Variants in MYLK observed in about 807,000 individuals in gnomAD.
The protein encoded by MYLK is myosin light chain kinase, smooth muscle.
In MYLK, 106 loss-of-function variants were observed where a neutral mutation model predicts 203.4. The observed-to-expected ratio is 0.52, with a 90% confidence interval of 0.45 to 0.61. The LOEUF (loss-of-function observed/expected upper bound fraction) is 0.61, where lower values mean the gene tolerates loss of function less well. MYLK is among the 20% of genes least tolerant of loss of function. MYLK has a pLI of 0.00. For missense variants in MYLK, 2,072 were observed against 2,442.3 expected (o/e 0.85, Z 3.20); for synonymous variants, 867 against 959.5 (o/e 0.90, Z 1.78).
Position 123,647,375 on chromosome 3 carries a change from A to G in MYLK, c.4468T>C (p.Trp1490Arg). ...TATGCCTTGAAGAACTTCCCTGCCC[A>G]GACTTTTCGAGTTTTCTTTTCTACA... ...RLVEKKTRKVWAGKFFKAYSA... is the reference protein window; with the variant it reads ...RLVEKKTRKVRAGKFFKAYSA... The change falls in exon 27 of 34, where the codon TGG (tryptophan) becomes CGG (arginine). Residue 1490 changes from tryptophan (W) to arginine (R), a missense_variant. This residue lies in a region of MYLK where 524 missense variants were observed against 782.4 expected (regional missense o/e 0.67). Coordinates refer to ENST00000360304, the MANE Select transcript of MYLK (RefSeq NM_053025.4). 1.9e-6 allele frequency: 3 copies of G among 1,614,250 alleles called. No homozygotes were observed. Among genetic ancestry groups the G allele is most frequent in the Non-Finnish European group, 2.5e-6 (3 of 1,180,034 alleles).
intron 3 of MYLK, among the ~76,000 whole-genome samples, chr3:123,825,227 A>G (rs1313131338): frequency 6.6e-6 from 1 of 152,204 alleles, no homozygotes; most frequent in East Asian, 1.9e-4. Context: ...CTATGGAGGA[A>G]ACTACAGGTT....
intron 2 of MYLK, among the ~76,000 whole-genome samples, chr3:123,850,660 G>A (rs2030677636): frequency 6.6e-6 from 1 of 152,140 alleles, no homozygotes; most frequent in Non-Finnish European, 1.5e-5. Context: ...TGTCAGATGA[G>A]TAAATTGCAA....
Position 123,810,414 on chromosome 3 carries a change from G to C in MYLK, c.-3-16570C>G, listed in dbSNP as rs140913992. ...GGTGAGCAGGGTGGCCCTGGGTCTG[G>C]AGCTGGCGTCTGTTGAGCCTAGGCC... On this transcript the variant is annotated intron_variant, in intron 3 of 33. Transcript: ENST00000360304. 6.5e-3 allele frequency among the ~76,000 whole-genome samples: 996 copies of C among 152,300 alleles called. 12 individuals are homozygous for C. The highest frequency in any genetic ancestry group is 0.023 in the African/African-American group (960 of 41,574).
At chr3:123,708,665 C>T in intron 15 of MYLK, 33 bp downstream of exon 15, 1 of 1,613,242 alleles carries the variant, frequency 6.2e-7, no homozygotes, top group Non-Finnish European at 8.5e-7. Flanking sequence ...AGCAGCATCT[C>T]CTTCCCACTC....
intron 3 of MYLK, among the ~76,000 whole-genome samples, chr3:123,821,005 AG>A (rs1316317740): frequency 1.3e-5 from 2 of 152,202 alleles, no homozygotes; most frequent in Non-Finnish European, 2.9e-5. Flanking sequence ...CTGGGATTAC[AG>A]GCGTGAGCCA....
intron 2 of MYLK, among the ~76,000 whole-genome samples, chr3:123,875,939 G>A (rs1381052887): frequency 2.0e-5 from 3 of 152,028 alleles, no homozygotes; most frequent in Admixed American, 2.0e-4. Context: ...CTAACTTTTA[G>A]CAATATTACT....
intron 12 of MYLK, 81 bp downstream of exon 12, chr3:123,725,863 C>A: frequency 6.4e-7 from 1 of 1,563,298 alleles, no homozygotes. Flanking sequence ...GCATAAATGG[C>A]TCAGAGGGAT....
chr3:123,789,903 G>A (rs895984479), intron 4 of MYLK, among the ~76,000 whole-genome samples: 1 of 152,200 alleles, frequency 6.6e-6, no homozygotes, highest in African/African-American at 2.4e-5. Context: ...CCATCCCTGT[G>A]CAATGTCTTC....
chr3:123,678,855 GAGT>G (rs2060161647), intron 20 of MYLK, among the ~76,000 whole-genome samples: 1 of 152,166 alleles, frequency 6.6e-6, no homozygotes, highest in Non-Finnish European at 1.5e-5. Context: ...TTTGGGGCGT[GAGT>G]AGAATTGGGG....
Position 123,692,377 on chromosome 3 carries a change from G to A in MYLK, c.3565+358C>T, listed in dbSNP as rs968191462. ...GTCCTGCCAGCTCGGACACTTGTTT[G>A]TTGTGGCTTTTGTAAAATACTCTGT... On this transcript the variant is annotated intron_variant, in intron 19 of 33. Coordinates refer to ENST00000360304, the MANE Select transcript of MYLK (RefSeq NM_053025.4). 11 of 1,182,408 alleles carry A rather than the reference G, an allele frequency of 9.3e-6. No individual in the cohort carries two copies. The South Asian group carries it at 1.3e-4, about 14-fold the overall frequency. 73.2% of individuals were successfully genotyped at this position (1,182,408 alleles called of 1,614,324 possible). A position where few individuals can be genotyped will look rare whatever the true frequency, so the allele number is the denominator to read the frequency against.
At position 123,783,849 on chromosome 3, in the gene MYLK, T is replaced by C. The variant is rs148960476; in HGVS notation, c.165+9828A>G. On this transcript the variant is annotated intron_variant, in intron 4 of 33. Transcript: ENST00000360304. ...ATTTAAGAATTTAGACAGCACTTAG[T>C]GGAGTCCCACAGGAGTGATGAGAAA... is the stretch of plus-strand genomic sequence containing the variant. Among the ~76,000 whole-genome samples, 373 of 152,334 alleles carry C rather than the reference T, an allele frequency of 2.4e-3. 2 individuals carry two copies. The highest frequency in any genetic ancestry group is 8.3e-3 in the African/African-American group (347 of 41,592).
At chr3:123,830,693 T>C (rs2066294830) in intron 3 of MYLK, among the ~76,000 whole-genome samples, 1 of 152,108 alleles carries the variant, frequency 6.6e-6, no homozygotes, top group Admixed American at 6.5e-5. Context: ...GAGAGTTAAC[T>C]GACACCCTCA....
chr3:123,834,592 A>C (rs2066429461), intron 2 of MYLK, among the ~76,000 whole-genome samples: 2 of 152,004 alleles, frequency 1.3e-5, no homozygotes, highest in African/African-American at 4.8e-5. Context: ...GAGCATTGGG[A>C]TGCGCAGTGG....
rs367924391 is a variant in MYLK at position 123,824,152 on chromosome 3, C to T, written c.-4+7396G>A. On this transcript the variant is annotated intron_variant, in intron 3 of 33. Coordinates refer to ENST00000360304, the MANE Select transcript of MYLK (RefSeq NM_053025.4). ...TCCCCCAGGCTGGAGTGCAATGGCG[C>T]GATCTCAGCTCGCCGCAACCTCTGC... Among the ~76,000 whole-genome samples, 126 of 151,436 alleles carry T rather than the reference C, an allele frequency of 8.3e-4. 2 individuals carry two copies. The East Asian group carries it at 0.015, about 18-fold the overall frequency.
intron 19 of MYLK, among the ~76,000 whole-genome samples, chr3:123,682,993 C>T (rs957230019): frequency 1.3e-5 from 2 of 152,064 alleles, no homozygotes; most frequent in African/African-American, 2.4e-5. Flanking sequence ...TTCCACACTC[C>T]CTCTGCCAGA....
Position 123,692,863 on chromosome 3 carries a change from G to T in MYLK, c.3449-12C>A, listed in dbSNP as rs2060736736. 2.5e-6 allele frequency: 4 copies of T among 1,607,340 alleles called. No homozygotes were observed. The highest frequency in any genetic ancestry group is 1.7e-4 in the Middle Eastern group (1 of 6,042). Reference sequence around the variant, plus strand: ...GGAGCAGAGTGAGCCTGGGGAGGAAGAATTGTGGAGTGAACCAGGTGTGGT... The same window carrying T: ...GGAGCAGAGTGAGCCTGGGGAGGAATAATTGTGGAGTGAACCAGGTGTGGT... On this transcript the variant is annotated splice_polypyrimidine_tract_variant and intron_variant, in intron 18 of 33. Transcript: ENST00000360304.
chr3:123,701,582 C>A, intron 16 of MYLK, 73 bp from the exon 17 acceptor site: 1 of 1,491,938 alleles, frequency 6.7e-7, no homozygotes, highest in South Asian at 1.1e-5. Flanking sequence ...TGGACTTGAT[C>A]ACAGGCTGCT....
At chr3:123,810,087 G>T (rs942984993) in intron 3 of MYLK, among the ~76,000 whole-genome samples, 1 of 152,160 alleles carries the variant, frequency 6.6e-6, no homozygotes, top group African/African-American at 2.4e-5. Flanking sequence ...CTAAGGCTCA[G>T]AACTCATTAC....
chr3:123,702,070 T>C (rs2061256559), intron 16 of MYLK, among the ~76,000 whole-genome samples: 1 of 152,228 alleles, frequency 6.6e-6, no homozygotes, highest in Admixed American at 6.5e-5. Context: ...TTTTCCTACA[T>C]GAGTGGCCCT....
Sources: gnomAD v4.1 joint callset for allele counts (sites outside exome capture counted in the v4.1 genomes callset) on GRCh38, gnomAD v4.1.1 for gene constraint, gnomAD v4.1.1 regional missense constraint, MANE v1.5 for transcripts, NCBI Gene and HGNC (gene_info 2026-07-23, HGNC 2026-07-21) for gene names.